Variants in CACNA1C observed in about 807,000 individuals in gnomAD.
The protein encoded by CACNA1C is voltage-dependent L-type calcium channel subunit alpha-1C.
Under a neutral mutation model 229.0 loss-of-function variants are expected in CACNA1C, and 30 were observed. The ratio of observed to expected loss-of-function variants is 0.13; its 90% CI spans 0.10 to 0.18. CACNA1C has a LOEUF of 0.18. Ranked by LOEUF, CACNA1C falls within the 10% of genes least tolerant of loss-of-function variation. The pLI, the probability that CACNA1C is intolerant of heterozygous loss-of-function variation, is 1.00. For synonymous variants in CACNA1C, 1,114 were observed against 1,132.5 expected, an observed-to-expected ratio of 0.98 and a Z score of 0.33; for missense variants, 1,658 against 2,845.0, an observed-to-expected ratio of 0.58 and a Z score of 9.49.
At chr12:2,676,992 A>C (rs1034337606) in intron 39 of CACNA1C, 102 bp from the exon 40 acceptor site, 24 of 934,032 alleles carry the variant, frequency 2.6e-5, no homozygotes, top group Non-Finnish European at 3.3e-5. Flanking sequence ...CAAAAATATT[A>C]AAGTTTTAAA....
Position 2,651,385 on chromosome 12 carries a change from A to G in CACNA1C, c.3946-255A>G. On this transcript the variant is annotated intron_variant, in intron 31 of 46. Transcript: ENST00000399655. The surrounding 1 kb of genome is among the most constrained non-coding windows in gnomAD (Gnocchi z 5.4). Reference sequence around the variant, plus strand: ...GCATTAAGAACTAGGAATGAAGGGGAATCGGGGAGAATAAAAACACAGGAC... The same window carrying G: ...GCATTAAGAACTAGGAATGAAGGGGGATCGGGGAGAATAAAAACACAGGAC... 1 of 564,850 alleles carries G rather than the reference A, an allele frequency of 1.8e-6. No individual in the cohort carries two copies. Among genetic ancestry groups the G allele is most frequent in the Non-Finnish European group, 3.1e-6 (1 of 318,338 alleles). 35.0% of individuals were successfully genotyped at this position (564,850 alleles called of 1,614,324 possible). A position where few individuals can be genotyped will look rare whatever the true frequency, so the allele number is the denominator to read the frequency against.
At chr12:2,583,042 G>A (rs917217251) in intron 15 of CACNA1C, 100 bp downstream of exon 15, 2 of 817,714 alleles carry the variant, frequency 2.4e-6, no homozygotes, top group Non-Finnish European at 2.0e-6. Context: ...GGTCCTGCTC[G>A]GGCTCACACC....
chr12:2,513,331 G>T (rs761218391), intron 9 of CACNA1C, among the ~76,000 whole-genome samples: 1 of 152,216 alleles, frequency 6.6e-6, no homozygotes, highest in Non-Finnish European at 1.5e-5. Context: ...TGAAAGCGCA[G>T]GCTTGTTTAA....
At chr12:2,033,065 A>T (rs543120088) in intron 1 of CACNA1C, among the ~76,000 whole-genome samples, 1 of 152,262 alleles carries the variant, frequency 6.6e-6, no homozygotes, top group South Asian at 2.1e-4. Flanking sequence ...TATGACACTG[A>T]CAGGCAGTGC....
At chr12:2,169,488 C>T (rs2096386817) in intron 3 of CACNA1C, among the ~76,000 whole-genome samples, 1 of 152,164 alleles carries the variant, frequency 6.6e-6, no homozygotes, top group African/African-American at 2.4e-5. Flanking sequence ...CTGCTCATGC[C>T]CCTTCCTTGG....
intron 3 of CACNA1C, among the ~76,000 whole-genome samples, chr12:2,369,692 C>T (rs112595974): frequency 0.023 from 3,510 of 152,236 alleles, 52 homozygotes; most frequent in Non-Finnish European, 0.033. Flanking sequence ...GTGTGAGCCA[C>T]CACGCCCAGC....
rs574247393 is a variant in CACNA1C at position 2,120,159 on chromosome 12, G to C, written c.372-166G>C. Among the ~76,000 whole-genome samples the C allele has an allele frequency of 6.6e-5, 10 of 152,328 alleles. No individual in the cohort carries two copies. In the South Asian group the frequency reaches 2.1e-3, roughly 32 times the overall value. ...GGAAAATTTTGGCGGGGACCCACTA[G>C]AAGCACTTAAAAAGGCATATGTTTC... On this transcript the variant is annotated intron_variant, in intron 2 of 46. Coordinates refer to ENST00000399655, the MANE Select transcript of CACNA1C (RefSeq NM_000719.7).
Position 2,037,284 on chromosome 12 carries a change from T to C in CACNA1C, c.139+66083T>C, listed in dbSNP as rs2049317411. ...TTTGAGACAGAAATAAAGACTTCCT[T>C]GTTTGGTAGGCATGGGAGGAATTTT... On this transcript the variant is annotated intron_variant, in intron 1 of 46. Coordinates refer to the CACNA1C transcript ENST00000682462. Among the ~76,000 whole-genome samples, 3 of 152,324 alleles carry C rather than the reference T, an allele frequency of 2.0e-5. No individual in the cohort carries two copies. In the South Asian group the frequency reaches 6.2e-4, roughly 32 times the overall value.
intron 29 of CACNA1C, among the ~76,000 whole-genome samples, chr12:2,617,095 T>G (rs123266): frequency 0.95 from 145,099 of 152,338 alleles, 69,516 homozygotes; most frequent in East Asian, 1. Flanking sequence ...CTTGGCCTTG[T>G]CTGCTTCTCA....
chr12:2,683,463 C>T (rs73247446), intron 43 of CACNA1C, among the ~76,000 whole-genome samples: 2,040 of 152,304 alleles, frequency 0.013, 46 homozygotes, highest in African/African-American at 0.045. Context: ...TCTTTTCACC[C>T]TCAAAGCCCT....
At chr12:2,537,920 A>G (rs2099859769) in intron 9 of CACNA1C, among the ~76,000 whole-genome samples, 1 of 151,980 alleles carries the variant, frequency 6.6e-6, no homozygotes, top group Non-Finnish European at 1.5e-5. Context: ...GAGTGTGCCA[A>G]AGTTCAAGAG....
rs2154562889 is a variant in CACNA1C at position 2,449,128 on chromosome 12, G to A, written c.617+13G>A. The stretch of plus-strand genomic sequence containing the variant: ...TTGTGGTTGTGGGGTAAGTATCACT[G>A]TCTGTTTCTTTCCCTTTATCTTACC... On this transcript the variant is annotated intron_variant, in intron 4 of 46. Transcript: ENST00000399655. 1 of 1,521,078 alleles carries A rather than the reference G, an allele frequency of 6.6e-7. No homozygotes were observed. The highest frequency in any genetic ancestry group is 8.8e-7 in the Non-Finnish European group (1 of 1,131,750). 94.2% of individuals were successfully genotyped at this position (1,521,078 alleles called of 1,614,324 possible). A position where few individuals can be genotyped will look rare whatever the true frequency, so the allele number is the denominator to read the frequency against.
At chr12:2,416,458 T>C (rs148375832) in intron 3 of CACNA1C, among the ~76,000 whole-genome samples, 14 of 152,084 alleles carry the variant, frequency 9.2e-5, no homozygotes, top group African/African-American at 3.1e-4. Context: ...GATTGTAATA[T>C]TTATAAGTTT....
intron 3 of CACNA1C, among the ~76,000 whole-genome samples, chr12:2,290,539 T>G (rs1268609522): frequency 6.6e-6 from 1 of 152,186 alleles, no homozygotes; most frequent in Non-Finnish European, 1.5e-5. Flanking sequence ...ACAAAGGACT[T>G]CCTTTCCTAA....
intron 3 of CACNA1C, among the ~76,000 whole-genome samples, chr12:2,245,068 T>A (rs1174818554): frequency 6.6e-6 from 1 of 152,134 alleles, no homozygotes; most frequent in African/African-American, 2.4e-5. Flanking sequence ...AGAAAGTGTC[T>A]AGGAAAGTGC....
In CACNA1C at chr12:2,302,223, G is replaced by A. The variant is rs146093729; in HGVS notation, c.478-146753G>A. 5.9e-5 allele frequency among the ~76,000 whole-genome samples: 9 copies of A among 152,060 alleles called. 1 individual carries two copies. The highest frequency in any genetic ancestry group is 1.7e-4 in the African/African-American group (7 of 41,480). On this transcript the variant is annotated intron_variant, in intron 3 of 46. Coordinates refer to ENST00000399655, the MANE Select transcript of CACNA1C (RefSeq NM_000719.7). ...CCTCATTCTTGCTATTAACCCATTC[G>A]CCATTCTCTCCCACTGCTGGGACTT...
chr12:2,119,585 C>CTAGA (rs2085582393), intron 2 of CACNA1C, among the ~76,000 whole-genome samples: 1 of 152,248 alleles, frequency 6.6e-6, no homozygotes, highest in African/African-American at 2.4e-5. Context: ...GGCTGTCCCA[C>CTAGA]TAGAGCCCAG....
chr12:2,325,843 G>C (rs1380806017), intron 3 of CACNA1C, among the ~76,000 whole-genome samples: 1 of 152,254 alleles, frequency 6.6e-6, no homozygotes, highest in Non-Finnish European at 1.5e-5. Flanking sequence ...ACAGCAGGAA[G>C]TTTTCCCTAG....
intron 29 of CACNA1C, among the ~76,000 whole-genome samples, chr12:2,616,322 A>G (rs749198168): frequency 6.6e-6 from 1 of 152,174 alleles, no homozygotes; most frequent in Non-Finnish European, 1.5e-5. Flanking sequence ...ACAAAGCCAG[A>G]TGGTTTCTCT....
Sources: allele counts gnomAD v4.1 joint callset (sites outside exome capture counted in the v4.1 genomes callset), GRCh38; gene constraint gnomAD v4.1.1; non-coding constraint Gnocchi (gnomAD v3.1); transcripts MANE v1.5; gene names NCBI Gene and HGNC (gene_info 2026-07-23, HGNC 2026-07-21).